The following NCOA5 variants were observed in gnomAD, a reference collection of about 807,000 sequenced individuals.
NCOA5 encodes nuclear receptor coactivator 5, also known as NCoA-5.
NCOA5 carries 12 observed loss-of-function variants against 59.0 expected under a neutral mutation model. That is an observed-to-expected ratio of 0.20 (90% CI 0.13 to 0.33). The LOEUF (loss-of-function observed/expected upper bound fraction) is 0.33, where lower values mean the gene tolerates loss of function less well. NCOA5 is among the 10% of genes least tolerant of loss of function. The pLI is 1.00. For missense variants in NCOA5, 655 were observed against 766.6 expected (o/e 0.85, Z 1.72); for synonymous variants, 270 against 275.5 (o/e 0.98, Z 0.20).
chr20:46,081,789 A>G (rs999529248), intron 1 of NCOA5, among the ~76,000 whole-genome samples: 1 of 148,594 alleles, frequency 6.7e-6, no homozygotes, highest in African/African-American at 2.5e-5. Context: ...TTTTTTTCCT[A>G]TCTAATAGAA....
intron 2 of NCOA5, among the ~76,000 whole-genome samples, chr20:46,075,714 A>C (rs1600627371): frequency 6.6e-6 from 1 of 152,214 alleles, no homozygotes; most frequent in Non-Finnish European, 1.5e-5. Context: ...ATGGTAACTG[A>C]GATATCTAAG....
At position 46,079,704 on chromosome 20, in the gene NCOA5, G is replaced by A. The variant is rs113743632; in HGVS notation, c.-29-251C>T. On this transcript the variant is annotated intron_variant, in intron 1 of 7. Transcript: ENST00000290231. ...ACGTAATTTGTCTTAAACTAATTACGTCAATGCTTTAACACGCTGCCAAGA... is the reference window on the plus strand; with the variant it reads ...ACGTAATTTGTCTTAAACTAATTACATCAATGCTTTAACACGCTGCCAAGA... 6.9e-3 allele frequency among the ~76,000 whole-genome samples: 1,047 copies of A among 152,220 alleles called. 2 individuals are homozygous for A. The highest frequency in any genetic ancestry group is 0.012 in the Non-Finnish European group (793 of 68,022).
intron 2 of NCOA5, among the ~76,000 whole-genome samples, chr20:46,077,640 T>TA (rs1392288071): frequency 1.3e-5 from 2 of 152,186 alleles, no homozygotes; most frequent in Admixed American, 6.5e-5. Flanking sequence ...CAGTGTCTTT[T>TA]ATAGTTACAA....
At chr20:46,088,365 G>C (rs7273914) in intron 1 of NCOA5, among the ~76,000 whole-genome samples, 23,882 of 152,172 alleles carry the variant, frequency 0.16, 2,022 homozygotes, top group South Asian at 0.26. Flanking sequence ...TCAAAGAAAG[G>C]CAAAGAAATC....
chr20:46,088,003 AT>A (rs540860475), intron 1 of NCOA5, among the ~76,000 whole-genome samples: 12 of 123,590 alleles, frequency 9.7e-5, no homozygotes, highest in East Asian at 3.4e-4. Flanking sequence ...ATATATATAT[AT>A]TTTTTTACAC....
intron 1 of NCOA5, among the ~76,000 whole-genome samples, chr20:46,082,636 T>C (rs2085003412): frequency 6.6e-6 from 1 of 152,206 alleles, no homozygotes; most frequent in African/African-American, 2.4e-5. Flanking sequence ...TTAATTATAC[T>C]AGCAATGTGA....
chr20:46,065,185 T>C lies in NCOA5; in HGVS notation c.673A>G (p.Met225Val). Residue 225 changes from methionine to valine, a missense_variant, in exon 6 of 8, where the codon ATG becomes GTG. Coordinates refer to ENST00000290231, the MANE Select transcript of NCOA5 (RefSeq NM_020967.3). ...SVGRKVRDLGMVVDLIFLNTE... is the reference protein window; with the variant it reads ...SVGRKVRDLGVVVDLIFLNTE... ...TTAAGGAAGATCAAGTCCACTACCA[T>C]GCCCAGGTCTCGCACCTTCCGCCCC... is the stretch of plus-strand genomic sequence containing the variant. 6.2e-7 allele frequency: 1 copy of C among 1,614,186 alleles called. No individual in the cohort carries two copies. The highest frequency in any genetic ancestry group is 8.5e-7 in the Non-Finnish European group (1 of 1,180,028).
intron 2 of NCOA5, among the ~76,000 whole-genome samples, chr20:46,070,854 G>T (rs2084875267): frequency 6.6e-6 from 1 of 151,976 alleles, no homozygotes; most frequent in Admixed American, 6.6e-5. Context: ...CTTTACAAGG[G>T]GTAAAAAGTT....
chr20:46,088,413 G>A (rs1023784851), intron 1 of NCOA5, among the ~76,000 whole-genome samples: 3 of 152,228 alleles, frequency 2.0e-5, no homozygotes, highest in Non-Finnish European at 2.9e-5. Flanking sequence ...AAATAGCCAA[G>A]TGATTTCTAA....
At position 46,068,540 on chromosome 20, in the gene NCOA5, C is replaced by T. The variant is rs765617106; in HGVS notation, c.464G>A (p.Arg155Gln). 2.6e-5 allele frequency: 42 copies of T among 1,613,342 alleles called. No homozygotes were observed. Among genetic ancestry groups the T allele is most frequent in the Non-Finnish European group, 3.1e-5 (37 of 1,179,714 alleles). ...CTGACTTTCTGGGCCTGGAGGGCCC[C>T]GTCCATCAAAGCTATCTCTGTAACG... ...FDRYRDSFDG[R>Q]GPPGPESQSR... Residue 155 changes from arginine (R) to glutamine (Q), a missense_variant, in exon 4 of 8, where the codon CGG (arginine) becomes CAG (glutamine). By Grantham distance (43) the Arg-to-Gln change is conservative. Coordinates refer to ENST00000290231, the MANE Select transcript of NCOA5 (RefSeq NM_020967.3).
At chr20:46,063,859 G>T (rs2084794256) in intron 6 of NCOA5, among the ~76,000 whole-genome samples, 179 bp from the exon 7 acceptor site, 1 of 152,152 alleles carries the variant, frequency 6.6e-6, no homozygotes, top group Admixed American at 6.5e-5. Flanking sequence ...GAAGGGAAGT[G>T]AACGAACACT....
Position 46,063,539 on chromosome 20 carries a change from T to G in NCOA5, c.971A>C (p.Glu324Ala). 6.2e-7 allele frequency: 1 copy of G among 1,614,198 alleles called. No homozygotes were observed. The highest frequency in any genetic ancestry group is 8.5e-7 in the Non-Finnish European group (1 of 1,180,032). ...CTCCTCAGGGCCTCCTCTCTCTCTT[T>G]CCTGCAGGATGGCTTCATCGGCCAT... ...AKMADEAILQ[E>A]RERGGPEEGV... Residue 324 changes from glutamate (E) to alanine (A), a missense_variant, in exon 7 of 8, where the codon GAA becomes GCA. Around this residue, in one of 3 missense-constraint regions of NCOA5, gnomAD observed 325 missense variants for 353.2 expected, o/e 0.92. Transcript: ENST00000290231.
intron 2 of NCOA5, among the ~76,000 whole-genome samples, chr20:46,072,823 A>G (rs2084897762): frequency 6.6e-6 from 1 of 152,234 alleles, no homozygotes; most frequent in African/African-American, 2.4e-5. Flanking sequence ...ACAAATTGAC[A>G]TTACATATTT....
rs1600639183 is a variant in NCOA5, at chr20:46,089,799, G to A, written c.-30+18C>T. On this transcript the variant is annotated intron_variant, in intron 1 of 7. Transcript: ENST00000290231. Reference sequence around the variant, plus strand: ...AGCCCCACGCCTCGGCTGACGGCCAGCGCTTCCCGGCACTCACCGCTACCA... The same window carrying A: ...AGCCCCACGCCTCGGCTGACGGCCAACGCTTCCCGGCACTCACCGCTACCA... 1 of 152,122 alleles carries A rather than the reference G, an allele frequency of 6.6e-6. No homozygotes were observed. The highest frequency in any genetic ancestry group is 2.1e-4 in the South Asian group (1 of 4,836). The allele number at this position is 152,122 out of a possible 1,614,324, so 9.4% of individuals were successfully genotyped here. A position where few individuals can be genotyped will look rare whatever the true frequency, so the allele number is the denominator to read the frequency against.
At chr20:46,072,376 T>C (rs1243591608) in intron 2 of NCOA5, among the ~76,000 whole-genome samples, 1 of 152,116 alleles carries the variant, frequency 6.6e-6, no homozygotes, top group Non-Finnish European at 1.5e-5. Flanking sequence ...CAGGCTGGAG[T>C]GCAGTGGCTA....
chr20:46,062,898 C>T lies in NCOA5; in HGVS notation c.1151-9G>A. On this transcript the variant is annotated splice_polypyrimidine_tract_variant and intron_variant, in intron 7 of 7. Transcript: ENST00000290231. ...TTGGCGGGAAATCGGGCCTGGAAGACAGAAGAGGGAGGTATCTGGTTCAAA... is the reference window on the plus strand; with the variant it reads ...TTGGCGGGAAATCGGGCCTGGAAGATAGAAGAGGGAGGTATCTGGTTCAAA... 1 of 1,511,798 alleles carries T rather than the reference C, an allele frequency of 6.6e-7. No individual in the cohort carries two copies. Among genetic ancestry groups the T allele is most frequent in the South Asian group, 1.3e-5 (1 of 74,742 alleles). 93.6% of individuals were successfully genotyped at this position (1,511,798 alleles called of 1,614,324 possible). A position where few individuals can be genotyped will look rare whatever the true frequency, so the allele number is the denominator to read the frequency against.
chr20:46,073,341 TTG>T (rs2084904619), intron 2 of NCOA5, among the ~76,000 whole-genome samples: 1 of 152,340 alleles, frequency 6.6e-6, no homozygotes, highest in South Asian at 2.1e-4. Flanking sequence ...CATTCCTGAC[TTG>T]TGAGAGCAAA....
intron 2 of NCOA5, among the ~76,000 whole-genome samples, chr20:46,077,697 C>A (rs1349816104): frequency 6.6e-6 from 1 of 152,166 alleles, no homozygotes; most frequent in Non-Finnish European, 1.5e-5. Context: ...CGTTAGCGCT[C>A]TTTGGAAATT....
rs553904550 is a variant in NCOA5, at chr20:46,073,933, G to A, written c.39-3397C>T. The stretch of plus-strand genomic sequence containing the variant: ...TTCCCTCAAATAATTTGAAGTCCAT[G>A]TGCAACAAAACTACTAATTCCCTCT... On this transcript the variant is annotated intron_variant, in intron 2 of 7. Transcript: ENST00000290231. Among the ~76,000 whole-genome samples, 4 of 152,208 alleles carry A rather than the reference G, an allele frequency of 2.6e-5. No homozygotes were observed. In the East Asian group the frequency reaches 7.7e-4, roughly 29 times the overall value.
Sources: gnomAD v4.1 joint callset for allele counts (sites outside exome capture counted in the v4.1 genomes callset) on GRCh38, gnomAD v4.1.1 for gene constraint, gnomAD v4.1.1 regional missense constraint, MANE v1.5 for transcripts, NCBI Gene and HGNC (gene_info 2026-07-23, HGNC 2026-07-21) for gene names.